GMDS: variants seen among roughly 807,000 people sequenced by gnomAD.
The protein encoded by GMDS is GDP-mannose 4,6 dehydratase.
Under a neutral mutation model 49.9 loss-of-function variants are expected in GMDS, and 20 were observed. The observed-to-expected ratio is 0.40, with a 90% CI of 0.28 to 0.58. The LOEUF is 0.58. Ranked by LOEUF, GMDS falls within the 20% of genes least tolerant of loss-of-function variation. The pLI is 0.42. For synonymous variants in GMDS, 177 were observed against 178.6 expected (o/e 0.99, Z 0.07); for missense variants, 362 against 481.4 (o/e 0.75, Z 2.32).
intron 1 of GMDS, among the ~76,000 whole-genome samples, chr6:2,200,741 G>A (rs574952107): frequency 5.8e-4 from 87 of 148,984 alleles, no homozygotes; most frequent in African/African-American, 2.2e-3. Flanking sequence ...ATGGACATCC[G>A]AGATGTAACC....
At position 2,117,452 on chromosome 6, in the gene GMDS, A is replaced by G. The variant is rs1301639513; in HGVS notation, c.235+17T>C. On this transcript the variant is annotated intron_variant, in intron 3 of 10. Transcript: ENST00000380815. ...ACACCTTATAGAAAGAGATTCTAGAAAAAGAAAATGACTTACTTCCTTCAA... is the reference window on the plus strand; with the variant it reads ...ACACCTTATAGAAAGAGATTCTAGAGAAAGAAAATGACTTACTTCCTTCAA... The G allele has an allele frequency of 1.4e-6, 2 of 1,409,306 alleles. No homozygotes were observed. Among genetic ancestry groups the G allele is most frequent in the African/African-American group, 2.8e-5 (2 of 70,944 alleles). 87.3% of individuals were successfully genotyped at this position (1,409,306 alleles called of 1,614,324 possible). A position where few individuals can be genotyped will look rare whatever the true frequency, so the allele number is the denominator to read the frequency against.
intron 8 of GMDS, among the ~76,000 whole-genome samples, chr6:1,737,010 A>G (rs895012005): frequency 6.6e-6 from 1 of 152,206 alleles, no homozygotes; most frequent in Non-Finnish European, 1.5e-5. Flanking sequence ...CATGAAGCTT[A>G]GGACCCAGGG....
At chr6:1,878,959 T>C (rs906576646) in intron 7 of GMDS, among the ~76,000 whole-genome samples, 2 of 152,208 alleles carry the variant, frequency 1.3e-5, no homozygotes, top group African/African-American at 2.4e-5. Flanking sequence ...TCTGCAAGCA[T>C]GTTTCTTTGT....
intron 4 of GMDS, among the ~76,000 whole-genome samples, chr6:2,054,378 T>C (rs566408826): frequency 6.6e-6 from 1 of 152,122 alleles, no homozygotes; most frequent in South Asian, 2.1e-4. Context: ...AGTGGGAAGA[T>C]TCTGGAAGGG....
chr6:2,157,653 G>A (rs9328083), intron 1 of GMDS, among the ~76,000 whole-genome samples: 16,413 of 152,128 alleles, frequency 0.11, 2,963 homozygotes, highest in African/African-American at 0.37. Flanking sequence ...AAAGAAATTA[G>A]GGCTTCAGTA....
At position 1,690,017 on chromosome 6, in the gene GMDS, A is replaced by G. The variant is rs145667868; in HGVS notation, c.987+36399T>C. Among the ~76,000 whole-genome samples the G allele has an allele frequency of 1.5e-4, 23 of 152,288 alleles. No individual in the cohort carries two copies. In the East Asian group the frequency reaches 2.7e-3, roughly 18 times the overall value. On this transcript the variant is annotated intron_variant, in intron 9 of 10. Coordinates refer to ENST00000380815, the MANE Select transcript of GMDS (RefSeq NM_001500.4). ...CTACTAGGGAGGCTAAGGCAGGAGA[A>G]TCTCTTGAACCCGGGAGGCAGAGGC...
At chr6:1,728,709 G>A (rs1490431467) in intron 8 of GMDS, among the ~76,000 whole-genome samples, 1 of 152,144 alleles carries the variant, frequency 6.6e-6, no homozygotes, top group Non-Finnish European at 1.5e-5. Context: ...GAGGACTGAG[G>A]CCGTGCCTGA....
chr6:1,827,904 T>C (rs942316242), intron 7 of GMDS, among the ~76,000 whole-genome samples: 7 of 151,808 alleles, frequency 4.6e-5, no homozygotes, highest in Non-Finnish European at 8.8e-5. Flanking sequence ...AAATAAGACA[T>C]AGAAAGGAAA....
At chr6:1,967,150 T>G (rs1252623866) in intron 4 of GMDS, among the ~76,000 whole-genome samples, 1 of 152,210 alleles carries the variant, frequency 6.6e-6, no homozygotes, top group Admixed American at 6.5e-5. Flanking sequence ...GCTAAAAACA[T>G]CCCGTCCTTG....
intron 4 of GMDS, among the ~76,000 whole-genome samples, chr6:2,070,299 G>A (rs952261792): frequency 4.0e-5 from 6 of 149,198 alleles, no homozygotes; most frequent in African/African-American, 1.2e-4. Context: ...GGATAGCATT[G>A]GGAGATATAC....
At chr6:2,156,683 T>C (rs563334621) in intron 1 of GMDS, among the ~76,000 whole-genome samples, 7 of 152,240 alleles carry the variant, frequency 4.6e-5, no homozygotes, top group South Asian at 4.2e-4. Context: ...AGGTAAGAAC[T>C]GAGATTATGA....
chr6:1,802,283 CTA>C (rs1769982483), intron 7 of GMDS, among the ~76,000 whole-genome samples: 1 of 152,078 alleles, frequency 6.6e-6, no homozygotes, highest in South Asian at 2.1e-4. Context: ...GGGATCTTGC[CTA>C]TAGTCGTTAC....
Position 1,624,297 on chromosome 6 carries a change from G to A in GMDS, c.1057-66C>T, listed in dbSNP as rs1009030544. ...CTCTCTCCTGGTGACACCCCACCCCGGGTGTCGGCCCCAGAGAGGCCTCCG... is the reference window on the plus strand; with the variant it reads ...CTCTCTCCTGGTGACACCCCACCCCAGGTGTCGGCCCCAGAGAGGCCTCCG... On this transcript the variant is annotated intron_variant, in intron 10 of 10. Coordinates refer to ENST00000380815, the MANE Select transcript of GMDS (RefSeq NM_001500.4). The A allele has an allele frequency of 6.1e-6, 9 of 1,481,694 alleles. No homozygotes were observed. The Admixed American group carries it at 6.9e-5, about 11-fold the overall frequency. 91.8% of individuals were successfully genotyped at this position (1,481,694 alleles called of 1,614,324 possible). A position where few individuals can be genotyped will look rare whatever the true frequency, so the allele number is the denominator to read the frequency against.
intron 7 of GMDS, among the ~76,000 whole-genome samples, chr6:1,848,728 T>C (rs535163485): frequency 1.3e-5 from 2 of 152,310 alleles, no homozygotes; most frequent in African/African-American, 4.8e-5. Flanking sequence ...TGGAGTGGTC[T>C]GGGCTGAAGA....
chr6:2,182,846 T>C (rs758161428), intron 1 of GMDS, among the ~76,000 whole-genome samples: 9 of 152,064 alleles, frequency 5.9e-5, no homozygotes, highest in Non-Finnish European at 1.2e-4. Context: ...ACTGGGACTA[T>C]AGGGTATGCA....
chr6:2,161,216 C>T (rs1180059637), intron 1 of GMDS, among the ~76,000 whole-genome samples: 1 of 151,896 alleles, frequency 6.6e-6, no homozygotes, highest in Non-Finnish European at 1.5e-5. Flanking sequence ...TCACCATGTT[C>T]ACCAGGATGG....
intron 4 of GMDS, among the ~76,000 whole-genome samples, chr6:2,045,170 A>T (rs1389343905): frequency 6.6e-6 from 1 of 151,918 alleles, no homozygotes; most frequent in Non-Finnish European, 1.5e-5. Context: ...TATTTTTCCC[A>T]TATCTTTTAT....
intron 7 of GMDS, among the ~76,000 whole-genome samples, chr6:1,770,099 T>C (rs1768519788): frequency 6.6e-6 from 1 of 152,234 alleles, no homozygotes; most frequent in Non-Finnish European, 1.5e-5. Context: ...TTTGGGGTTC[T>C]CTGTTTAATT....
chr6:2,079,948 T>C (rs1748073108), intron 4 of GMDS, among the ~76,000 whole-genome samples: 1 of 152,200 alleles, frequency 6.6e-6, no homozygotes. Flanking sequence ...GATTCAAATA[T>C]GTGGTGGCTT....
Sources: allele counts gnomAD v4.1 joint callset (sites outside exome capture counted in the v4.1 genomes callset), GRCh38; gene constraint gnomAD v4.1.1; transcripts MANE v1.5; gene names NCBI Gene and HGNC (gene_info 2026-07-23, HGNC 2026-07-21).